MVB12B: variants seen among roughly 807,000 people sequenced by gnomAD.
The protein encoded by MVB12B is multivesicular body subunit 12B.
Under a neutral mutation model 41.6 loss-of-function variants are expected in MVB12B, and 16 were observed. The ratio of observed to expected loss-of-function variants is 0.38; its 90% CI spans 0.26 to 0.58. The LOEUF (loss-of-function observed/expected upper bound fraction) is 0.58, where lower values mean the gene tolerates loss of function less well. Among genes scored for constraint, MVB12B ranks in the 20% least tolerant of loss-of-function variants. The pLI is 0.62. For missense variants in MVB12B, 274 were observed against 380.2 expected (o/e 0.72, Z 2.32); for synonymous variants, 133 against 139.7 (o/e 0.95, Z 0.34).
At chr9:126,351,623 C>T (rs1019269763) in intron 2 of MVB12B, among the ~76,000 whole-genome samples, 22 of 151,370 alleles carry the variant, frequency 1.5e-4, no homozygotes, top group African/African-American at 4.9e-4. Flanking sequence ...AAAGTAGCTG[C>T]GATTAACAGG....
chr9:126,350,238 A>T (rs1455564500), intron 2 of MVB12B, among the ~76,000 whole-genome samples: 5 of 151,940 alleles, frequency 3.3e-5, no homozygotes, highest in African/African-American at 1.2e-4. Flanking sequence ...TCTAGCTATG[A>T]GTCCTTTGTT....
chr9:126,401,961 C>G (rs776357477), intron 6 of MVB12B, among the ~76,000 whole-genome samples: 33 of 152,226 alleles, frequency 2.2e-4, no homozygotes, highest in Non-Finnish European at 4.3e-4. Context: ...GTCACCTGTC[C>G]TGTTGTTGCA....
At chr9:126,369,559 T>C (rs1311573474) in intron 2 of MVB12B, among the ~76,000 whole-genome samples, 2 of 152,360 alleles carry the variant, frequency 1.3e-5, no homozygotes, top group East Asian at 1.9e-4. Context: ...TTTTCATTCC[T>C]AGGTATCTTT....
chr9:126,328,295 G>A (rs1478722350), intron 1 of MVB12B, among the ~76,000 whole-genome samples: 1 of 152,088 alleles, frequency 6.6e-6, no homozygotes, highest in Non-Finnish European at 1.5e-5. Flanking sequence ...AGCAGTTGAC[G>A]TGGCGATTAC....
At chr9:126,400,991 C>T (rs1427188410) in intron 6 of MVB12B, among the ~76,000 whole-genome samples, 2 of 152,186 alleles carry the variant, frequency 1.3e-5, no homozygotes, top group Non-Finnish European at 2.9e-5. Context: ...CGGGGGCTCT[C>T]CTAGAAAATC....
At chr9:126,449,727 T>TC (rs1328455373) in intron 7 of MVB12B, among the ~76,000 whole-genome samples, 1 of 152,190 alleles carries the variant, frequency 6.6e-6, no homozygotes, top group Non-Finnish European at 1.5e-5. Flanking sequence ...TTTTTTCCTC[T>TC]CCTGACTGGC....
At chr9:126,434,207 T>C (rs1309067511) in intron 7 of MVB12B, among the ~76,000 whole-genome samples, 3 of 152,110 alleles carry the variant, frequency 2.0e-5, no homozygotes, top group Non-Finnish European at 2.9e-5. Flanking sequence ...TCCCTCTTTT[T>C]ATTAATGGCC....
At chr9:126,337,462 G>T (rs965206777) in intron 1 of MVB12B, among the ~76,000 whole-genome samples, 2 of 152,160 alleles carry the variant, frequency 1.3e-5, no homozygotes, top group Admixed American at 1.3e-4. Flanking sequence ...GACTTATTGA[G>T]CTGTGGCTAG....
intron 7 of MVB12B, among the ~76,000 whole-genome samples, chr9:126,430,983 G>C (rs1477489259): frequency 6.6e-6 from 1 of 152,232 alleles, no homozygotes; most frequent in Non-Finnish European, 1.5e-5. Context: ...AGGAAGCAGT[G>C]TAGGAATGTC....
chr9:126,362,839 C>T (rs1830062338), intron 2 of MVB12B, among the ~76,000 whole-genome samples: 1 of 152,190 alleles, frequency 6.6e-6, no homozygotes, highest in African/African-American at 2.4e-5. Flanking sequence ...TCCCCCACCT[C>T]ATTTTATTTT....
At chr9:126,385,533 A>G (rs1463381049) in intron 3 of MVB12B, among the ~76,000 whole-genome samples, 1 of 152,186 alleles carries the variant, frequency 6.6e-6, no homozygotes, top group East Asian at 1.9e-4. Flanking sequence ...GTTGCTGTCC[A>G]GGGCAGAGTG....
chr9:126,411,432 C>T (rs1391321221), intron 6 of MVB12B, among the ~76,000 whole-genome samples: 1 of 152,118 alleles, frequency 6.6e-6, no homozygotes, highest in Non-Finnish European at 1.5e-5. Flanking sequence ...CTGAGTCAGT[C>T]GCCACATCCT....
In MVB12B at chr9:126,460,943, C is replaced by T. The variant is rs12346723; in HGVS notation, c.758-20426C>T. Among the ~76,000 whole-genome samples the T allele has an allele frequency of 3.6e-3, 553 of 152,262 alleles. 5 individuals are homozygous for T. The highest frequency in any genetic ancestry group is 0.011 in the African/African-American group (477 of 41,536). On this transcript the variant is annotated intron_variant, in intron 7 of 9. Coordinates refer to ENST00000361171, the MANE Select transcript of MVB12B (RefSeq NM_033446.3). ...AGAAAGCCCCAAGACTACAGCCTGG[C>T]GCAGAGCAAGCATTTGAACAACGTT...
intron 7 of MVB12B, among the ~76,000 whole-genome samples, chr9:126,463,601 C>T (rs1257881896): frequency 3.3e-5 from 5 of 152,148 alleles, no homozygotes; most frequent in Admixed American, 1.3e-4. Context: ...CTTTTGGAAT[C>T]ACCTGGTGGC....
chr9:126,337,831 GGCCC>G (rs778537355), intron 1 of MVB12B, among the ~76,000 whole-genome samples: 2 of 152,206 alleles, frequency 1.3e-5, no homozygotes, highest in African/African-American at 2.4e-5. Flanking sequence ...GATGTGAGAG[GGCCC>G]GCATGAATGG....
intron 2 of MVB12B, among the ~76,000 whole-genome samples, chr9:126,343,778 G>A (rs562967488): frequency 3.3e-5 from 5 of 152,268 alleles, no homozygotes; most frequent in African/African-American, 7.2e-5. Context: ...TTAGCTGGGC[G>A]TGGTGGTGCG....
At chr9:126,454,569 A>G (rs13287948) in intron 7 of MVB12B, among the ~76,000 whole-genome samples, 32,927 of 152,212 alleles carry the variant, frequency 0.22, 4,208 homozygotes, top group Non-Finnish European at 0.29. Flanking sequence ...GGAGTGCCCT[A>G]TTCAAGCATC....
chr9:126,414,166 T>C (rs559839548), intron 6 of MVB12B, among the ~76,000 whole-genome samples: 1 of 152,358 alleles, frequency 6.6e-6, no homozygotes, highest in South Asian at 2.1e-4. Context: ...ATATATTCTA[T>C]AACTGAAGGG....
intron 6 of MVB12B, among the ~76,000 whole-genome samples, chr9:126,409,116 G>C (rs769888534): frequency 1.3e-4 from 15 of 113,814 alleles, no homozygotes; most frequent in African/African-American, 3.9e-4. Flanking sequence ...CTTCCATTGT[G>C]GGGGGGGGCT....
Sources: gnomAD v4.1 joint callset for allele counts (sites outside exome capture counted in the v4.1 genomes callset) on GRCh38, gnomAD v4.1.1 for gene constraint, MANE v1.5 for transcripts, NCBI Gene and HGNC (gene_info 2026-07-23, HGNC 2026-07-21) for gene names.